SF3A3: variants seen among roughly 807,000 people sequenced by gnomAD.
SF3A3 encodes SAP 61.
A neutral mutation model predicts 85.8 loss-of-function variants in SF3A3; 9 were observed. The observed-to-expected ratio is 0.10, with a 90% CI of 0.06 to 0.18. The LOEUF is 0.18. SF3A3 is among the 10% of genes least tolerant of loss of function. The probability of loss-of-function intolerance (pLI) is 1.00; values close to 1 mark genes in which losing one functional copy is unlikely to be tolerated. For missense variants in SF3A3, 306 were observed against 593.3 expected, an observed-to-expected ratio of 0.52 and a Z score of 5.03; for synonymous variants, 195 against 204.4, an observed-to-expected ratio of 0.95 and a Z score of 0.39.
intron 15 of SF3A3, among the ~76,000 whole-genome samples, chr1:37,966,018 T>C (rs1646297269): frequency 6.6e-6 from 1 of 151,778 alleles, no homozygotes; most frequent in Non-Finnish European, 1.5e-5. Flanking sequence ...CTGGCCAACA[T>C]GCTAAAACCC....
chr1:37,987,349 G>A (rs1024090164), intron 4 of SF3A3, among the ~76,000 whole-genome samples: 1 of 152,210 alleles, frequency 6.6e-6, no homozygotes, highest in South Asian at 2.1e-4. Flanking sequence ...AAAGTGCTGG[G>A]ATTACAGGCG....
intron 12 of SF3A3, among the ~76,000 whole-genome samples, chr1:37,970,735 A>G (rs1453716407): frequency 6.6e-6 from 1 of 152,200 alleles, no homozygotes; most frequent in Non-Finnish European, 1.5e-5. Flanking sequence ...ATGGAAACTG[A>G]ACAACCTGCT....
At chr1:37,970,424 C>A (rs1646330471) in intron 12 of SF3A3, among the ~76,000 whole-genome samples, 1 of 151,992 alleles carries the variant, frequency 6.6e-6, no homozygotes, top group African/African-American at 2.4e-5. Flanking sequence ...ACTTTAACAC[C>A]CCACTGTCAA....
intron 11 of SF3A3, 69 bp from the exon 12 acceptor site, chr1:37,977,022 G>T: frequency 9.4e-7 from 1 of 1,068,078 alleles, no homozygotes; most frequent in South Asian, 1.3e-5. Flanking sequence ...CTATATCTGG[G>T]AACATTTATT....
chr1:37,971,547 A>T (rs1410567109), intron 12 of SF3A3, among the ~76,000 whole-genome samples: 1 of 152,196 alleles, frequency 6.6e-6, no homozygotes, highest in Non-Finnish European at 1.5e-5. Context: ...GGCAGAGACC[A>T]CAACAAAAAA....
chr1:37,975,878 T>C (rs1646376124), intron 12 of SF3A3, among the ~76,000 whole-genome samples: 1 of 152,122 alleles, frequency 6.6e-6, no homozygotes, highest in Non-Finnish European at 1.5e-5. Flanking sequence ...AAAATTGGGC[T>C]GGGCGCGGTG....
intron 5 of SF3A3, among the ~76,000 whole-genome samples, 177 bp downstream of exon 5, chr1:37,984,530 C>A (rs189693497): frequency 2.6e-5 from 4 of 152,168 alleles, no homozygotes; most frequent in African/African-American, 9.7e-5. Flanking sequence ...TAGGAGAGAA[C>A]AAAATGAACA....
intron 8 of SF3A3, 94 bp downstream of exon 8, chr1:37,980,492 A>ATACC (rs2148722503): frequency 7.6e-7 from 1 of 1,314,514 alleles, no homozygotes; most frequent in African/African-American, 1.5e-5. Context: ...CAAGGAATTG[A>ATACC]TACCTAATGC....
At chr1:37,960,098 C>T (rs1482684042) in intron 16 of SF3A3, 22 bp downstream of exon 16, 1 of 1,609,242 alleles carries the variant, frequency 6.2e-7, no homozygotes, top group Non-Finnish European at 8.5e-7. Context: ...CTATCCCTAA[C>T]ACCATCCACA....
rs561894889 is a variant in SF3A3, at chr1:37,978,144, C to G, written c.935+576G>C. 3.9e-5 allele frequency among the ~76,000 whole-genome samples: 6 copies of G among 152,034 alleles called. No homozygotes were observed. In the South Asian group the frequency reaches 1.2e-3, roughly 32 times the overall value. ...CTTAAGCTCAGGAGTTGCAGACCAG[C>G]CTGGCTAACATGATGAAACCCCATC... is the stretch of plus-strand genomic sequence containing the variant. On this transcript the variant is annotated intron_variant, in intron 11 of 16. Coordinates refer to ENST00000373019, the MANE Select transcript of SF3A3 (RefSeq NM_006802.4).
chr1:37,969,233 CCTT>C, intron 14 of SF3A3, 118 bp downstream of exon 14: 1 of 706,524 alleles, frequency 1.4e-6, no homozygotes, highest in Non-Finnish European at 2.4e-6. Context: ...TTAAAACCAT[CCTT>C]CTCTGATTCC....
intron 4 of SF3A3, among the ~76,000 whole-genome samples, chr1:37,986,320 G>C (rs1032576873): frequency 3.3e-5 from 5 of 152,132 alleles, no homozygotes; most frequent in Admixed American, 2.6e-4. Flanking sequence ...CTTGTGACCA[G>C]ATTTCCATTC....
At position 37,969,674 on chromosome 1, in the gene SF3A3, C is replaced by T. The variant is rs1646325202; in HGVS notation, c.1067G>A (p.Arg356Gln). ...GATCTGCTCTTCTTCCTCTTCTTCT[C>T]GCTCTTCTCCTGTCCTGGCTTGCTT... ...QRKQARTGEE[R>Q]EEEEEEQISE... The change falls in exon 13 of 17, where the codon CGA becomes CAA. Residue 356 changes from arginine (R) to glutamine (Q), a missense_variant. Physicochemically the swap from Arg to Gln is conservative, Grantham distance 43. This residue lies in a region of SF3A3 where 136 missense variants were observed against 296.6 expected (regional missense o/e 0.46). Transcript: ENST00000373019. 2 of 1,614,082 alleles carry T rather than the reference C, an allele frequency of 1.2e-6. No individual in the cohort carries two copies. The highest frequency in any genetic ancestry group is 1.7e-6 in the Non-Finnish European group (2 of 1,179,932).
At position 37,957,917 on chromosome 1, in the gene SF3A3, T is replaced by C. The variant is rs190679521; in HGVS notation, c.*269A>G. The C allele has an allele frequency of 2.5e-6, 1 of 406,556 alleles. No homozygotes were observed. The highest frequency in any genetic ancestry group is 2.0e-5 in the African/African-American group (1 of 49,982). The allele number at this position is 406,556 out of a possible 1,614,324, so 25.2% of individuals were successfully genotyped here. On this transcript the variant is annotated 3_prime_UTR_variant, in exon 17 of 17. Transcript: ENST00000373019. Reference sequence around the variant, plus strand: ...TTGGTGAGGAAGAGGTATGGAGGCGTTAAGACCTGAAGCACTGAGTTGGTC... The same window carrying C: ...TTGGTGAGGAAGAGGTATGGAGGCGCTAAGACCTGAAGCACTGAGTTGGTC...
intron 7 of SF3A3, among the ~76,000 whole-genome samples, chr1:37,981,339 GA>G (rs112196503): frequency 1.3e-5 from 2 of 152,080 alleles, no homozygotes; most frequent in African/African-American, 2.4e-5. Context: ...CACTAATCAG[GA>G]GAGTAATTAA....
intron 7 of SF3A3, among the ~76,000 whole-genome samples, chr1:37,981,207 C>T (rs1646416369): frequency 6.6e-6 from 1 of 152,104 alleles, no homozygotes; most frequent in Non-Finnish European, 1.5e-5. Flanking sequence ...CATTTTGATT[C>T]TGACCTTTCC....
rs374064844 is a variant in SF3A3, at chr1:37,987,682, C to T, written c.198-4G>A. 13 of 1,613,218 alleles carry T rather than the reference C, an allele frequency of 8.1e-6. No homozygotes were observed. Among genetic ancestry groups the T allele is most frequent in the South Asian group, 6.6e-5 (6 of 91,066 alleles). Reference sequence around the variant, plus strand: ...ATTGAGCTCCTCCTTTCGTAATCTGCAATTTCAGGAAAATTTCAAAGAAGA... The same window carrying T: ...ATTGAGCTCCTCCTTTCGTAATCTGTAATTTCAGGAAAATTTCAAAGAAGA... On this transcript the variant is annotated splice_region_variant and splice_polypyrimidine_tract_variant and intron_variant, in intron 3 of 16. Coordinates refer to ENST00000373019, the MANE Select transcript of SF3A3 (RefSeq NM_006802.4).
chr1:37,974,787 A>G (rs1031792814), intron 12 of SF3A3, among the ~76,000 whole-genome samples: 2 of 152,106 alleles, frequency 1.3e-5, no homozygotes, highest in African/African-American at 4.8e-5. Context: ...ACTCTCTGAC[A>G]GAGTTTTCTC....
intron 12 of SF3A3, among the ~76,000 whole-genome samples, chr1:37,975,832 T>A (rs58550204): frequency 0.013 from 2,044 of 152,272 alleles, 60 homozygotes; most frequent in African/African-American, 0.047. Context: ...CAACGGACCA[T>A]GCGAGTATGT....
Sources: allele counts gnomAD v4.1 joint callset (sites outside exome capture counted in the v4.1 genomes callset), GRCh38; gene constraint gnomAD v4.1.1; regional missense constraint gnomAD v4.1.1; transcripts MANE v1.5; gene names NCBI Gene and HGNC (gene_info 2026-07-23, HGNC 2026-07-21).